FMN1: variants seen among roughly 807,000 people sequenced by gnomAD.
FMN1 encodes the protein formin 1.
Under a neutral mutation model 132.4 loss-of-function variants are expected in FMN1, and 110 were observed. The observed-to-expected ratio is 0.83, with a 90% CI of 0.71 to 0.97. FMN1 has a LOEUF of 0.97. Among genes scored for constraint, FMN1 ranks in the 50% least tolerant of loss-of-function variants. The probability of loss-of-function intolerance (pLI) is 0.00; values close to 1 mark genes in which losing one functional copy is unlikely to be tolerated. For synonymous variants in FMN1, 722 were observed against 651.7 expected, an observed-to-expected ratio of 1.11 and a Z score of -1.64; for missense variants, 1,792 against 1,705.3, an observed-to-expected ratio of 1.05 and a Z score of -0.90.
At chr15:33,001,379 T>C (rs1318019091) in intron 7 of FMN1, among the ~76,000 whole-genome samples, 1 of 152,252 alleles carries the variant, frequency 6.6e-6, no homozygotes, top group African/African-American at 2.4e-5. Flanking sequence ...CAATTTCTGG[T>C]ACACATGTTT....
chr15:32,886,147 C>T (rs972633462), intron 16 of FMN1, among the ~76,000 whole-genome samples: 1 of 152,178 alleles, frequency 6.6e-6, no homozygotes, highest in Non-Finnish European at 1.5e-5. Context: ...ATTAGAGAAC[C>T]TACGGTGTGT....
intron 11 of FMN1, among the ~76,000 whole-genome samples, chr15:32,909,999 C>T (rs2060519070): frequency 6.6e-6 from 1 of 152,146 alleles, no homozygotes. Flanking sequence ...CACAGCTGGA[C>T]CTCAAACCTA....
intron 6 of FMN1, among the ~76,000 whole-genome samples, chr15:33,040,733 T>G (rs1031140507): frequency 1.4e-4 from 22 of 152,262 alleles, no homozygotes; most frequent in African/African-American, 5.3e-4. Context: ...CTAGCCATGC[T>G]ATGTAGCTCA....
intron 4 of FMN1, 79 bp downstream of exon 4, chr15:33,152,969 G>T: frequency 7.2e-7 from 1 of 1,383,918 alleles, no homozygotes; most frequent in Non-Finnish European, 9.5e-7. Context: ...TAATCAGTCA[G>T]TTTCTAAGTA....
intron 10 of FMN1, among the ~76,000 whole-genome samples, chr15:32,922,960 G>A (rs1361699664): frequency 1.3e-5 from 2 of 152,222 alleles, no homozygotes; most frequent in Non-Finnish European, 2.9e-5. Context: ...ATGATGTGGA[G>A]AAAACAATCA....
At chr15:32,805,226 T>G (rs1254607660) in intron 17 of FMN1, among the ~76,000 whole-genome samples, 1 of 152,208 alleles carries the variant, frequency 6.6e-6, no homozygotes, top group Non-Finnish European at 1.5e-5. Context: ...GGTGTGTCAT[T>G]GTGGTTTTGA....
chr15:32,986,177 C>T (rs1414220882), intron 7 of FMN1, among the ~76,000 whole-genome samples: 1 of 152,052 alleles, frequency 6.6e-6, no homozygotes, highest in Non-Finnish European at 1.5e-5. Context: ...ATGGATCTAT[C>T]CAGGAAGAGG....
At chr15:33,148,567 G>A (rs1964320942) in intron 4 of FMN1, among the ~76,000 whole-genome samples, 2 of 152,138 alleles carry the variant, frequency 1.3e-5, no homozygotes, top group Admixed American at 1.3e-4. Context: ...GTGAGGCCAG[G>A]ATATTTATCC....
chr15:33,016,318 G>A (rs1009084881), intron 6 of FMN1, among the ~76,000 whole-genome samples: 4 of 152,126 alleles, frequency 2.6e-5, no homozygotes, highest in African/African-American at 9.7e-5. Context: ...GTTCATGTAA[G>A]GCAGAGTCAC....
chr15:32,971,525 T>C lies in FMN1; in HGVS notation c.2224-2048A>G, dbSNP rs567381193. Among the ~76,000 whole-genome samples, 11 of 152,304 alleles carry C rather than the reference T, an allele frequency of 7.2e-5. No individual in the cohort carries two copies. In the South Asian group the frequency reaches 2.3e-3, roughly 32 times the overall value. Reference sequence around the variant, plus strand: ...TTCCATCTTCATTTCTCTCTCTCTTTCCTGTCCACTTCCACCCACATCTTA... The same window carrying C: ...TTCCATCTTCATTTCTCTCTCTCTTCCCTGTCCACTTCCACCCACATCTTA... On this transcript the variant is annotated intron_variant, in intron 7 of 20. Transcript: ENST00000616417.
intron 6 of FMN1, among the ~76,000 whole-genome samples, chr15:33,020,257 A>G (rs1433526872): frequency 6.6e-6 from 1 of 152,142 alleles, no homozygotes; most frequent in Non-Finnish European, 1.5e-5. Context: ...AAACAGTGTC[A>G]CTATTGAATT....
chr15:33,136,886 G>A (rs1393968354), intron 4 of FMN1, among the ~76,000 whole-genome samples: 8 of 151,888 alleles, frequency 5.3e-5, no homozygotes, highest in African/African-American at 1.2e-4. Flanking sequence ...TCAGGAGTTC[G>A]AAACCAGCCT....
chr15:32,898,700 C>T, intron 15 of FMN1, 134 bp downstream of exon 15: 1 of 600,320 alleles, frequency 1.7e-6, no homozygotes. Flanking sequence ...GTGTGCTCAT[C>T]TGTAAACCAC....
In FMN1 at chr15:32,946,437, A is replaced by C. The variant is rs553390388; in HGVS notation, c.3138+17670T>G. Reference sequence around the variant, plus strand: ...GTAGATGATTTGCCCAGAGATGCCTAGATGCCTGACTTCTAGTCCTGTGGC... The same window carrying C: ...GTAGATGATTTGCCCAGAGATGCCTCGATGCCTGACTTCTAGTCCTGTGGC... On this transcript the variant is annotated intron_variant, in intron 9 of 20. Transcript: ENST00000616417. 2.6e-5 allele frequency among the ~76,000 whole-genome samples: 4 copies of C among 152,304 alleles called. No homozygotes were observed. The South Asian group carries it at 8.3e-4, about 32-fold the overall frequency.
chr15:32,936,120 G>A (rs996267336), intron 9 of FMN1, among the ~76,000 whole-genome samples: 1 of 152,074 alleles, frequency 6.6e-6, no homozygotes, highest in Non-Finnish European at 1.5e-5. Flanking sequence ...TGTTGATACT[G>A]TCATTTTGTT....
chr15:32,935,962 G>A lies in FMN1; in HGVS notation c.3139-9701C>T, dbSNP rs113419198. Among the ~76,000 whole-genome samples, 328 of 152,090 alleles carry A rather than the reference G, an allele frequency of 2.2e-3. 1 individual carries two copies. The highest frequency in any genetic ancestry group is 2.1e-3 in the Non-Finnish European group (146 of 67,976). ...TTTTTTCTTTTTGCTCCTCTAAATG[G>A]ATCATTTCAAACGACCTCTCTTTAT... On this transcript the variant is annotated intron_variant, in intron 9 of 20. Coordinates refer to ENST00000616417, the MANE Select transcript of FMN1 (RefSeq NM_001277313.2).
chr15:33,046,062 AATTT>A (rs1307516002), intron 6 of FMN1, among the ~76,000 whole-genome samples: 2 of 152,128 alleles, frequency 1.3e-5, no homozygotes, highest in Non-Finnish European at 1.5e-5. Flanking sequence ...CTAAGATTTT[AATTT>A]ATTATTACTG....
At chr15:33,094,642 C>T (rs1178379108) in intron 4 of FMN1, among the ~76,000 whole-genome samples, 2 of 152,154 alleles carry the variant, frequency 1.3e-5, no homozygotes, top group African/African-American at 2.4e-5. Context: ...AACATAGGAG[C>T]CTAGAGCCAT....
chr15:32,890,900 G>A (rs2060011311), intron 15 of FMN1, among the ~76,000 whole-genome samples: 1 of 152,162 alleles, frequency 6.6e-6, no homozygotes, highest in Non-Finnish European at 1.5e-5. Flanking sequence ...TTAATCCATT[G>A]AGTTGATTTT....
Sources: allele counts gnomAD v4.1 joint callset (sites outside exome capture counted in the v4.1 genomes callset), GRCh38; gene constraint gnomAD v4.1.1; transcripts MANE v1.5; gene names NCBI Gene and HGNC (gene_info 2026-07-23, HGNC 2026-07-21).